The following PHACTR2 variants were observed in gnomAD, a reference collection of about 807,000 sequenced individuals.
PHACTR2 encodes the protein chromosome 6 open reading frame 56.
A neutral mutation model predicts 76.0 loss-of-function variants in PHACTR2; 30 were observed. The observed-to-expected ratio is 0.39, with a 90% CI of 0.30 to 0.54. PHACTR2 has a LOEUF of 0.54. PHACTR2 is among the 20% of genes least tolerant of loss of function. The pLI is 0.61. For synonymous variants in PHACTR2, 292 were observed against 292.5 expected (o/e 1.00, Z 0.02); for missense variants, 696 against 781.1 (o/e 0.89, Z 1.30).
Position 143,641,998 on chromosome 6 carries a change from A to T in PHACTR2, c.13+33676A>T, listed in dbSNP as rs1195669506. Among the ~76,000 whole-genome samples the T allele has an allele frequency of 2.0e-5, 3 of 152,192 alleles. No individual in the cohort carries two copies. The highest frequency in any genetic ancestry group is 7.2e-5 in the African/African-American group (3 of 41,460). On this transcript the variant is annotated intron_variant, in intron 1 of 11. Coordinates refer to the PHACTR2 transcript ENST00000305766. The surrounding 1 kb of genome is among the most constrained non-coding windows in gnomAD (Gnocchi z 5.8). ...CCACTCATGCATGGCCAACAGCTACATAGAGGTGAATTATATATAGCTCCT... is the reference window on the plus strand; with the variant it reads ...CCACTCATGCATGGCCAACAGCTACTTAGAGGTGAATTATATATAGCTCCT...
chr6:143,707,441 A>G (rs1206880049), intron 1 of PHACTR2, among the ~76,000 whole-genome samples: 2 of 152,238 alleles, frequency 1.3e-5, no homozygotes, highest in Non-Finnish European at 2.9e-5. Context: ...CAGTTTGTAC[A>G]AAATTAGTAC....
Position 143,827,155 on chromosome 6 carries a change from AATATATATATATATATATATATATAT to A in PHACTR2, c.*3485_*3510del, listed in dbSNP as rs67124785. ...GGGCTGCGTTGGCATTAAAAAAGAA[AATATATATATATATATATATATATAT>A]ATATATATATATATATATGTATATT... On this transcript the variant is annotated 3_prime_UTR_variant, in exon 13 of 13. Transcript: ENST00000440869. 4.3e-4 allele frequency: 33 copies of A among 77,246 alleles called. 2 individuals carry two copies. In the Middle Eastern group the frequency reaches 0.028, roughly 65 times the overall value. 4.8% of individuals were successfully genotyped at this position (77,246 alleles called of 1,614,324 possible).
At position 143,811,229 on chromosome 6, in the gene PHACTR2, T is replaced by C. The variant is rs1776167649; in HGVS notation, c.1922+4096T>C. 6.6e-6 allele frequency among the ~76,000 whole-genome samples: 1 copy of C among 152,328 alleles called. No individual in the cohort carries two copies. The highest frequency in any genetic ancestry group is 3.4e-3 in the Middle Eastern group (1 of 294). ...TTTCCCTGTGGATGTGAAATTCTCT[T>C]TTAATATACACATCGGTCAATTTCT... On this transcript the variant is annotated intron_variant, in intron 12 of 12. Coordinates refer to ENST00000440869, the MANE Select transcript of PHACTR2 (RefSeq NM_001100164.2). This position sits in a 1 kb window ranked among gnomAD's most constrained non-coding sequence, Gnocchi z 4.1.
intron 2 of PHACTR2, among the ~76,000 whole-genome samples, chr6:143,745,590 A>T (rs1051138741): frequency 1.3e-5 from 2 of 152,222 alleles, no homozygotes; most frequent in African/African-American, 2.4e-5. Flanking sequence ...TGTGCTCTGC[A>T]AACATGCAGG....
chr6:143,686,150 GCACTTAGACTA>G (rs905438675), intron 1 of PHACTR2, among the ~76,000 whole-genome samples: 5 of 147,036 alleles, frequency 3.4e-5, no homozygotes, highest in African/African-American at 1.0e-4. Flanking sequence ...AAAAAAAAGT[GCACTTAGACTA>G]CACTTAGACC....
rs1411850108 is a variant in PHACTR2 at position 143,585,378 on chromosome 6, T to A, written c.217+48171T>A. ...TCCAGTCTTCAGGGAAAGAATGACT[T>A]GGCCAGGGCCAAATCTCAGTTAAAA... On this transcript the variant is annotated intron_variant, in intron 1 of 11. Coordinates refer to the PHACTR2 transcript ENST00000367584. This position sits in a 1 kb window ranked among gnomAD's most constrained non-coding sequence, Gnocchi z 5.2. 6.6e-6 allele frequency among the ~76,000 whole-genome samples: 1 copy of A among 152,234 alleles called. No individual in the cohort carries two copies. The highest frequency in any genetic ancestry group is 3.2e-3 in the Middle Eastern group (1 of 316).
Position 143,819,841 on chromosome 6 carries a change from A to G in PHACTR2, c.1923-3833A>G, listed in dbSNP as rs1168258366. Among the ~76,000 whole-genome samples, 1 of 152,180 alleles carries G rather than the reference A, an allele frequency of 6.6e-6. No individual in the cohort carries two copies. Among genetic ancestry groups the G allele is most frequent in the Non-Finnish European group, 1.5e-5 (1 of 68,016 alleles). On this transcript the variant is annotated intron_variant, in intron 12 of 12. Transcript: ENST00000440869. The surrounding 1 kb of genome is among the most constrained non-coding windows in gnomAD (Gnocchi z 5.0). ...ACACCCTCACAGACTGTATTAGGCC[A>G]TTCTTGACTGCTATAAAGAAATACC... is the stretch of plus-strand genomic sequence containing the variant.
At chr6:143,560,669 T>G (rs1775254328) in intron 1 of PHACTR2, among the ~76,000 whole-genome samples, 1 of 152,112 alleles carries the variant, frequency 6.6e-6, no homozygotes, top group Non-Finnish European at 1.5e-5. Context: ...AGACCTGACC[T>G]AGACTGGGAT....
intron 1 of PHACTR2, among the ~76,000 whole-genome samples, chr6:143,691,887 A>G (rs1708336776): frequency 6.6e-6 from 1 of 152,230 alleles, no homozygotes; most frequent in African/African-American, 2.4e-5. Flanking sequence ...AAAGGAAGCA[A>G]TCATTTATTT....
Position 143,783,204 on chromosome 6 carries a change from T to G in PHACTR2, c.1646-15T>G, listed in dbSNP as rs755114865. On this transcript the variant is annotated splice_polypyrimidine_tract_variant and intron_variant, in intron 9 of 12. Transcript: ENST00000440869. This position sits in a 1 kb window ranked among gnomAD's most constrained non-coding sequence, Gnocchi z 5.2. ...ATAGTAACTGTCATCACGACTTTCCTCCTTTAATAAACAGAAAAGAATGAA... is the reference window on the plus strand; with the variant it reads ...ATAGTAACTGTCATCACGACTTTCCGCCTTTAATAAACAGAAAAGAATGAA... The G allele has an allele frequency of 6.4e-6, 10 of 1,571,146 alleles. No individual in the cohort carries two copies. Among genetic ancestry groups the G allele is most frequent in the Non-Finnish European group, 7.9e-6 (9 of 1,142,474 alleles).
intron 1 of PHACTR2, among the ~76,000 whole-genome samples, chr6:143,569,067 TC>T: frequency 6.6e-6 from 1 of 152,178 alleles, no homozygotes. Context: ...CTCTTAATCT[TC>T]CCAACCCATA....
At position 143,616,033 on chromosome 6, in the gene PHACTR2, AGTTTCAG is replaced by A. The variant is rs1310120140; in HGVS notation, c.13+7719_13+7725del. ...AGAGAAGCCATAGTTTCAAAGTTTC[AGTTTCAG>A]GTTTCAGAGCTATGGTTTCAAAGTT... On this transcript the variant is annotated intron_variant, in intron 1 of 11. Coordinates refer to the PHACTR2 transcript ENST00000305766. The surrounding 1 kb of genome is among the most constrained non-coding windows in gnomAD (Gnocchi z 4.9). Among the ~76,000 whole-genome samples the A allele has an allele frequency of 1.3e-5, 2 of 152,234 alleles. No individual in the cohort carries two copies. The highest frequency in any genetic ancestry group is 6.5e-5 in the Admixed American group (1 of 15,284).
chr6:143,641,573 C>T lies in PHACTR2; in HGVS notation c.13+33251C>T, dbSNP rs1306762099. 6.6e-6 allele frequency among the ~76,000 whole-genome samples: 1 copy of T among 152,168 alleles called. No individual in the cohort carries two copies. The highest frequency in any genetic ancestry group is 1.5e-5 in the Non-Finnish European group (1 of 68,022). On this transcript the variant is annotated intron_variant, in intron 1 of 11. Transcript: ENST00000305766. This position sits in a 1 kb window ranked among gnomAD's most constrained non-coding sequence, Gnocchi z 5.8. ...CCAGGCTGGAGTACAATGGCATGAT[C>T]TCGGCTAACCACAACCTCCGCCTCC...
chr6:143,718,591 T>A (rs1168303288), intron 2 of PHACTR2, among the ~76,000 whole-genome samples: 1 of 152,222 alleles, frequency 6.6e-6, no homozygotes, highest in Non-Finnish European at 1.5e-5. Flanking sequence ...TCTGAAGAAT[T>A]ACTTTATTTC....
chr6:143,801,538 T>C lies in PHACTR2; in HGVS notation c.1846-5519T>C, dbSNP rs1201086044. On this transcript the variant is annotated intron_variant, in intron 11 of 12. Transcript: ENST00000440869. This position sits in a 1 kb window ranked among gnomAD's most constrained non-coding sequence, Gnocchi z 4.6. Reference sequence around the variant, plus strand: ...TCACGGAGTTCTCGTACTGTAGTTTTCAGCTCCATCAGGTTATTTAAGCTC... The same window carrying C: ...TCACGGAGTTCTCGTACTGTAGTTTCCAGCTCCATCAGGTTATTTAAGCTC... Among the ~76,000 whole-genome samples the C allele has an allele frequency of 6.6e-6, 1 of 152,214 alleles. No individual in the cohort carries two copies. The highest frequency in any genetic ancestry group is 1.5e-5 in the Non-Finnish European group (1 of 68,038).
At position 143,597,802 on chromosome 6, in the gene PHACTR2, A is replaced by G. The variant is rs1775770434; in HGVS notation, c.217+60595A>G. 6.6e-6 allele frequency among the ~76,000 whole-genome samples: 1 copy of G among 152,172 alleles called. No homozygotes were observed. The highest frequency in any genetic ancestry group is 1.5e-5 in the Non-Finnish European group (1 of 68,026). On this transcript the variant is annotated intron_variant, in intron 1 of 11. Coordinates refer to the PHACTR2 transcript ENST00000367584. The surrounding 1 kb of genome is among the most constrained non-coding windows in gnomAD (Gnocchi z 5.7). ...ATTGGAAATCCTCCAGGTCCATTAT[A>G]TTGACATTCTTTTTTATAATTTCGC...
At chr6:143,564,808 A>G (rs1472941410) in intron 1 of PHACTR2, among the ~76,000 whole-genome samples, 1 of 152,204 alleles carries the variant, frequency 6.6e-6, no homozygotes, top group Non-Finnish European at 1.5e-5. Flanking sequence ...CCCTAAAATA[A>G]CAACTGCAAC....
At position 143,784,306 on chromosome 6, in the gene PHACTR2, A is replaced by T. The variant is rs996695329; in HGVS notation, c.1707+1026A>T. ...CAATTGTTGCCACTTATTTATGAATATATAAATCTGATGTTAGGGCCATCA... is the reference window on the plus strand; with the variant it reads ...CAATTGTTGCCACTTATTTATGAATTTATAAATCTGATGTTAGGGCCATCA... On this transcript the variant is annotated intron_variant, in intron 10 of 12. Transcript: ENST00000440869. This position sits in a 1 kb window ranked among gnomAD's most constrained non-coding sequence, Gnocchi z 4.5. Among the ~76,000 whole-genome samples, 2 of 152,224 alleles carry T rather than the reference A, an allele frequency of 1.3e-5. No individual in the cohort carries two copies. The highest frequency in any genetic ancestry group is 2.9e-5 in the Non-Finnish European group (2 of 68,038).
Position 143,712,076 on chromosome 6 carries a change from C to G in PHACTR2, c.107C>G (p.Thr36Arg), listed in dbSNP as rs749125256. The G allele has an allele frequency of 1.8e-5, 29 of 1,597,742 alleles. 1 individual carries two copies. The South Asian group carries it at 3.2e-4, about 18-fold the overall frequency. The change falls in exon 2 of 13, where the codon ACA becomes AGA. Residue 36 changes from threonine to arginine, a missense_variant. This residue lies in a region of PHACTR2 where 460 missense variants were observed against 450.9 expected (regional missense o/e 1.02). Coordinates refer to ENST00000440869, the MANE Select transcript of PHACTR2 (RefSeq NM_001100164.2). ...NSDGPTAGSQTPPFKRKGKLS... is the reference protein window; with the variant it reads ...NSDGPTAGSQRPPFKRKGKLS... ...GATGGCCCCACAGCAGGTTCCCAAACACCTCCCTTCAAAAGAAAGGGGAAA... is the reference window on the plus strand; with the variant it reads ...GATGGCCCCACAGCAGGTTCCCAAAGACCTCCCTTCAAAAGAAAGGGGAAA...
Sources: gnomAD v4.1 joint callset for allele counts (sites outside exome capture counted in the v4.1 genomes callset) on GRCh38, gnomAD v4.1.1 for gene constraint, gnomAD v4.1.1 regional missense constraint, Gnocchi (gnomAD v3.1) non-coding constraint, MANE v1.5 for transcripts, NCBI Gene and HGNC (gene_info 2026-07-23, HGNC 2026-07-21) for gene names.